ADGRE3: variants seen among roughly 807,000 people sequenced by gnomAD.
ADGRE3 encodes adhesion G protein-coupled receptor E3.
In ADGRE3, 88 loss-of-function variants were observed where a neutral mutation model predicts 80.1. The observed-to-expected ratio is 1.10, with a 90% CI of 0.93 to 1.31. The LOEUF (loss-of-function observed/expected upper bound fraction) is 1.31, where lower values mean the gene tolerates loss of function less well. Among genes scored for constraint, ADGRE3 ranks in the 40% most tolerant of loss-of-function variants. The pLI is 0.00. For missense variants in ADGRE3, 715 were observed against 776.5 expected (o/e 0.92, Z 0.94); for synonymous variants, 281 against 294.8 (o/e 0.95, Z 0.48).
At chr19:14,640,002 G>A (rs2146837611) in intron 10 of ADGRE3, among the ~76,000 whole-genome samples, 1 of 152,172 alleles carries the variant, frequency 6.6e-6, no homozygotes, top group East Asian at 1.9e-4. Context: ...TGCTGCCTTA[G>A]TCTCTGCTAA....
chr19:14,671,766 C>G (rs574330389), intron 1 of ADGRE3, among the ~76,000 whole-genome samples: 2 of 151,918 alleles, frequency 1.3e-5, no homozygotes, highest in Non-Finnish European at 2.9e-5. Flanking sequence ...TTTAAAGTCC[C>G]CTTCCTTCTA....
chr19:14,607,119 C>T, the ADGRE3 span: 4 of 1,211,750 alleles, frequency 3.3e-6, no homozygotes, highest in Non-Finnish European at 4.2e-6. Context: ...GCTTGGGTTT[C>T]CTGGGGTCTC....
At chr19:14,613,244 C>A in the ADGRE3 span, among the ~76,000 whole-genome samples, 3 of 151,860 alleles carry the variant, frequency 2.0e-5, no homozygotes, top group African/African-American at 7.3e-5. Context: ...TTTTTTGAGA[C>A]AAGGTCTCAC....
chr19:14,640,728 G>T (rs6511948), intron 10 of ADGRE3, among the ~76,000 whole-genome samples: 3 of 151,898 alleles, frequency 2.0e-5, no homozygotes, highest in African/African-American at 7.3e-5. Context: ...ATGTTGTGGG[G>T]AGGACCCGGT....
chr19:14,670,004 A>G lies in ADGRE3; in HGVS notation c.26-1152T>C, dbSNP rs376120436. ...TGGGTGATGGGTACATCAGAAACCC[A>G]GTCTCCACCATTATGCATGTAATAT... On this transcript the variant is annotated intron_variant, in intron 1 of 15. Coordinates refer to ENST00000253673, the MANE Select transcript of ADGRE3 (RefSeq NM_032571.5). Among the ~76,000 whole-genome samples, 68 of 152,308 alleles carry G rather than the reference A, an allele frequency of 4.5e-4. No homozygotes were observed. The East Asian group carries it at 0.012, about 28-fold the overall frequency.
chr19:14,658,470 T>A lies in ADGRE3; in HGVS notation c.393+43A>T, dbSNP rs372808848. 6.8e-6 allele frequency: 10 copies of A among 1,474,038 alleles called. No individual in the cohort carries two copies. In the African/African-American group the frequency reaches 1.4e-4, roughly 21 times the overall value. The allele number at this position is 1,474,038 out of a possible 1,614,324, so 91.3% of individuals were successfully genotyped here. On this transcript the variant is annotated intron_variant, in intron 5 of 15. Coordinates refer to ENST00000253673, the MANE Select transcript of ADGRE3 (RefSeq NM_032571.5). Reference sequence around the variant, plus strand: ...GGGCTTTGTAAATATTTGTTACTGATGTTTGTTACCTGGGAAGGGTCTGGG... The same window carrying A: ...GGGCTTTGTAAATATTTGTTACTGAAGTTTGTTACCTGGGAAGGGTCTGGG...
intron 15 of ADGRE3, among the ~76,000 whole-genome samples, chr19:14,624,408 T>A (rs1017244460): frequency 1.3e-5 from 2 of 152,132 alleles, no homozygotes; most frequent in East Asian, 3.9e-4. Flanking sequence ...GCTTCCTTTT[T>A]ATTATTATTA....
At chr19:14,667,999 A>G (rs570906122) in intron 2 of ADGRE3, among the ~76,000 whole-genome samples, 11 of 152,090 alleles carry the variant, frequency 7.2e-5, no homozygotes, top group Non-Finnish European at 1.3e-4. Context: ...CATGCCTGTA[A>G]TCCCAGCAAT....
chr19:14,637,066 C>G (rs1392960854), intron 11 of ADGRE3, among the ~76,000 whole-genome samples: 1 of 152,074 alleles, frequency 6.6e-6, no homozygotes, highest in South Asian at 2.1e-4. Context: ...TGGACTCCAG[C>G]CTGGGCAACA....
Position 14,674,733 on chromosome 19 carries a change from C to T in ADGRE3, c.25+13G>A. On this transcript the variant is annotated intron_variant, in intron 1 of 15. Coordinates refer to ENST00000253673, the MANE Select transcript of ADGRE3 (RefSeq NM_032571.5). ...ATAGGTTAAGCCTCAGTCATTGTTACAGTCACACATACCTGGAAGAAGCAA... is the reference window on the plus strand; with the variant it reads ...ATAGGTTAAGCCTCAGTCATTGTTATAGTCACACATACCTGGAAGAAGCAA... 6.2e-7 allele frequency: 1 copy of T among 1,613,042 alleles called. No individual in the cohort carries two copies. The highest frequency in any genetic ancestry group is 8.5e-7 in the Non-Finnish European group (1 of 1,179,552).
chr19:14,607,619 A>G, the ADGRE3 span, among the ~76,000 whole-genome samples: 1 of 151,712 alleles, frequency 6.6e-6, no homozygotes, highest in African/African-American at 2.4e-5. Flanking sequence ...GCTGTCGCTC[A>G]GGCTGGAGTG....
chr19:14,657,849 C>T (rs929043346), intron 5 of ADGRE3, among the ~76,000 whole-genome samples: 5 of 152,028 alleles, frequency 3.3e-5, no homozygotes, highest in African/African-American at 9.6e-5. Flanking sequence ...CCGCAACCTC[C>T]GCCTCCTGGA....
At position 14,632,915 on chromosome 19, in the gene ADGRE3, T is replaced by A. The variant is rs769242670; in HGVS notation, c.1643+6A>T. The A allele has an allele frequency of 7.5e-6, 12 of 1,595,912 alleles. 1 individual carries two copies. In the South Asian group the frequency reaches 7.7e-5, roughly 10 times the overall value. On this transcript the variant is annotated splice_donor_region_variant and intron_variant, in intron 13 of 15. Coordinates refer to ENST00000253673, the MANE Select transcript of ADGRE3 (RefSeq NM_032571.5). ...GGAATAGGAAGTACCATTTGTCACA[T>A]CCTACCTTGTGTTCTGGATGGTTGA... is the stretch of plus-strand genomic sequence containing the variant.
the ADGRE3 span, among the ~76,000 whole-genome samples, chr19:14,607,919 G>A: frequency 1.3e-5 from 2 of 152,080 alleles, no homozygotes; most frequent in African/African-American, 2.4e-5. Context: ...CACCCAGGCT[G>A]GAGTGCAGTG....
chr19:14,638,020 G>C (rs534295234), intron 11 of ADGRE3, 85 bp downstream of exon 11: 16 of 950,576 alleles, frequency 1.7e-5, no homozygotes, highest in Admixed American at 1.2e-4. Flanking sequence ...CATTGGTTAC[G>C]TATATTCCCA....
At chr19:14,648,419 G>A (rs895574061) in intron 7 of ADGRE3, among the ~76,000 whole-genome samples, 3 of 152,162 alleles carry the variant, frequency 2.0e-5, no homozygotes, top group African/African-American at 7.2e-5. Context: ...CAGATGGACA[G>A]ACGTCCTAGC....
chr19:14,650,140 A>C (rs1467654000), intron 7 of ADGRE3, among the ~76,000 whole-genome samples: 228 of 68,802 alleles, frequency 3.3e-3, no homozygotes, highest in Middle Eastern at 0.016. Context: ...ATCTCTCTCT[A>C]CTCATCTCTC....
At chr19:14,672,874 A>G (rs1008790596) in intron 1 of ADGRE3, among the ~76,000 whole-genome samples, 9 of 151,844 alleles carry the variant, frequency 5.9e-5, no homozygotes, top group Non-Finnish European at 1.0e-4. Flanking sequence ...TTGCCTTCCA[A>G]AGCTTTGGGA....
rs910343900 is a variant in ADGRE3 at position 14,663,320 on chromosome 19, A to G, written c.199+98T>C. ...GTCCAGCTTGCGGTGAGCTTTGATC[A>G]TGCCACAGCAGTCCAGCCTGGGCAA... On this transcript the variant is annotated intron_variant, in intron 3 of 15. Coordinates refer to ENST00000253673, the MANE Select transcript of ADGRE3 (RefSeq NM_032571.5). 5.6e-6 allele frequency: 4 copies of G among 713,774 alleles called. No homozygotes were observed. The African/African-American group carries it at 7.7e-5, about 14-fold the overall frequency. The allele number at this position is 713,774 out of a possible 1,614,324, so 44.2% of individuals were successfully genotyped here.
Sources: allele counts gnomAD v4.1 joint callset (sites outside exome capture counted in the v4.1 genomes callset), GRCh38; gene constraint gnomAD v4.1.1; transcripts MANE v1.5; gene names NCBI Gene and HGNC (gene_info 2026-07-23, HGNC 2026-07-21).